MEIS2: variants seen among roughly 807,000 people sequenced by gnomAD.
MEIS2 encodes Meis homeobox 2.
MEIS2 carries 9 observed loss-of-function variants against 58.6 expected under a neutral mutation model. That is an observed-to-expected ratio of 0.15 (90% CI 0.09 to 0.27). The LOEUF (loss-of-function observed/expected upper bound fraction) is 0.27, where lower values mean the gene tolerates loss of function less well. Among genes scored for constraint, MEIS2 ranks in the 10% least tolerant of loss-of-function variants. The pLI is 1.00. For missense variants in MEIS2, 427 were observed against 635.0 expected (o/e 0.67, Z 3.52); for synonymous variants, 221 against 228.4 (o/e 0.97, Z 0.29).
At chr15:37,015,945 G>A (rs2061336202) in intron 8 of MEIS2, among the ~76,000 whole-genome samples, 1 of 152,040 alleles carries the variant, frequency 6.6e-6, no homozygotes, top group Non-Finnish European at 1.5e-5. Context: ...CCACATTTAT[G>A]AAGTGGAAGA....
At chr15:37,041,439 G>T (rs543694822) in intron 7 of MEIS2, among the ~76,000 whole-genome samples, 1 of 152,300 alleles carries the variant, frequency 6.6e-6, no homozygotes, top group Non-Finnish European at 1.5e-5. Flanking sequence ...CATTTTGAGA[G>T]CATCTCTAGC....
intron 9 of MEIS2, among the ~76,000 whole-genome samples, chr15:36,928,545 G>A (rs2057840220): frequency 6.6e-6 from 1 of 152,130 alleles, no homozygotes; most frequent in African/African-American, 2.4e-5. Context: ...CTCTTCATAA[G>A]AAGTGATTTA....
At chr15:37,085,035 C>T (rs1320147735) in intron 6 of MEIS2, among the ~76,000 whole-genome samples, 2 of 151,972 alleles carry the variant, frequency 1.3e-5, no homozygotes, top group Admixed American at 6.6e-5. Flanking sequence ...AAAGTATATA[C>T]CAATCTAAGT....
intron 9 of MEIS2, among the ~76,000 whole-genome samples, chr15:36,946,144 A>G (rs566824853): frequency 3.6e-4 from 55 of 152,086 alleles, no homozygotes; most frequent in African/African-American, 1.3e-3. Flanking sequence ...AGCTTAAAGG[A>G]TTTTAATTGT....
Position 37,010,235 on chromosome 15 carries a change from C to T in MEIS2, c.900+26579G>A, listed in dbSNP as rs567098831. Among the ~76,000 whole-genome samples the T allele has an allele frequency of 1.5e-4, 23 of 151,610 alleles. No individual in the cohort carries two copies. In the South Asian group the frequency reaches 4.4e-3, roughly 29 times the overall value. On this transcript the variant is annotated intron_variant, in intron 8 of 11. Transcript: ENST00000561208. ...CCCGAGTAGCTGGGACTACAGGCAC[C>T]CACCACCACACCTGGCTAATTTTTT... is the stretch of plus-strand genomic sequence containing the variant.
chr15:37,089,322 C>T (rs1893257944), intron 6 of MEIS2, among the ~76,000 whole-genome samples: 1 of 152,104 alleles, frequency 6.6e-6, no homozygotes, highest in Non-Finnish European at 1.5e-5. Context: ...GAACCTATCC[C>T]ACCCCTCACT....
intron 9 of MEIS2, among the ~76,000 whole-genome samples, chr15:36,919,751 G>C (rs1309390015): frequency 1.3e-5 from 2 of 152,092 alleles, no homozygotes; most frequent in African/African-American, 4.8e-5. Context: ...CTTGCACTTG[G>C]TATTTTATCT....
At chr15:37,058,300 A>G (rs1011965437) in intron 7 of MEIS2, among the ~76,000 whole-genome samples, 2 of 152,184 alleles carry the variant, frequency 1.3e-5, no homozygotes, top group African/African-American at 4.8e-5. Context: ...AGGATAACTC[A>G]TATTATTTTT....
chr15:36,998,185 G>GC (rs2060594019), intron 8 of MEIS2, among the ~76,000 whole-genome samples: 1 of 148,422 alleles, frequency 6.7e-6, no homozygotes, highest in South Asian at 2.2e-4. Context: ...AGTTTGATCA[G>GC]CACAGACTAC....
At chr15:36,961,134 T>C (rs2059166351) in intron 8 of MEIS2, among the ~76,000 whole-genome samples, 1 of 152,124 alleles carries the variant, frequency 6.6e-6, no homozygotes, top group Non-Finnish European at 1.5e-5. Context: ...CTATTTTACC[T>C]AAACTACAAT....
At chr15:37,002,928 A>T (rs936380107) in intron 8 of MEIS2, among the ~76,000 whole-genome samples, 19 of 152,202 alleles carry the variant, frequency 1.2e-4, no homozygotes, top group African/African-American at 4.1e-4. Context: ...TTTTAAATTT[A>T]TTAAGTGCAC....
intron 8 of MEIS2, among the ~76,000 whole-genome samples, chr15:37,017,171 T>G (rs1390752181): frequency 6.6e-6 from 1 of 152,148 alleles, no homozygotes; most frequent in Non-Finnish European, 1.5e-5. Flanking sequence ...ATAATAAAAT[T>G]GTTTGAACAT....
intron 8 of MEIS2, among the ~76,000 whole-genome samples, chr15:36,979,411 A>T (rs570984134): frequency 7.9e-5 from 12 of 152,228 alleles, no homozygotes; most frequent in Admixed American, 2.6e-4. Flanking sequence ...CTTCAGCATA[A>T]TATGAAAGTG....
At chr15:37,023,115 G>A (rs1289297777) in intron 8 of MEIS2, among the ~76,000 whole-genome samples, 2 of 152,108 alleles carry the variant, frequency 1.3e-5, no homozygotes, top group Non-Finnish European at 2.9e-5. Flanking sequence ...ATTTTCAAAT[G>A]TATGTAATTT....
intron 9 of MEIS2, among the ~76,000 whole-genome samples, chr15:36,913,466 A>G (rs1402132280): frequency 6.6e-6 from 1 of 152,212 alleles, no homozygotes; most frequent in Non-Finnish European, 1.5e-5. Flanking sequence ...GTGACTTAAG[A>G]CATTCATTAG....
In MEIS2 at chr15:36,891,311, T is replaced by C. The variant is rs2141209795; in HGVS notation, c.*862A>G. 1.3e-5 allele frequency: 2 copies of C among 152,646 alleles called. No homozygotes were observed. The highest frequency in any genetic ancestry group is 3.9e-4 in the East Asian group (2 of 5,182). 9.5% of individuals were successfully genotyped at this position (152,646 alleles called of 1,614,324 possible). On this transcript the variant is annotated 3_prime_UTR_variant, in exon 12 of 12. Transcript: ENST00000561208. Reference sequence around the variant, plus strand: ...ATGAAACAATTAATAGACCGAACTCTGTACGAAGTTTGTTACAGTATTCTC... The same window carrying C: ...ATGAAACAATTAATAGACCGAACTCCGTACGAAGTTTGTTACAGTATTCTC...
intron 6 of MEIS2, among the ~76,000 whole-genome samples, chr15:37,084,458 A>C (rs1892633961): frequency 6.6e-6 from 1 of 152,204 alleles, no homozygotes; most frequent in South Asian, 2.1e-4. Flanking sequence ...CTATATAACC[A>C]ACAAAGGTAA....
chr15:37,021,477 C>T (rs1028059517), intron 8 of MEIS2, among the ~76,000 whole-genome samples: 10 of 152,238 alleles, frequency 6.6e-5, no homozygotes, highest in Non-Finnish European at 1.3e-4. Flanking sequence ...AAAGGCCTGT[C>T]TAATATCTTG....
Position 36,890,270 on chromosome 15 carries a change from C to A in MEIS2, c.*1903G>T, listed in dbSNP as rs1467499259. The A allele has an allele frequency of 2.0e-5, 3 of 152,110 alleles. No homozygotes were observed. The highest frequency in any genetic ancestry group is 4.8e-5 in the African/African-American group (2 of 41,410). 9.4% of individuals were successfully genotyped at this position (152,110 alleles called of 1,614,324 possible). A position where few individuals can be genotyped will look rare whatever the true frequency, so the allele number is the denominator to read the frequency against. ...GAAAATTGAGGGGACATGCCTCACC[C>A]TTTTTGCACACTTTAGCAGACATTG... On this transcript the variant is annotated 3_prime_UTR_variant, in exon 12 of 12. Coordinates refer to ENST00000561208, the MANE Select transcript of MEIS2 (RefSeq NM_170675.5).
Sources: allele counts gnomAD v4.1 joint callset (sites outside exome capture counted in the v4.1 genomes callset), GRCh38; gene constraint gnomAD v4.1.1; transcripts MANE v1.5; gene names NCBI Gene and HGNC (gene_info 2026-07-23, HGNC 2026-07-21).